The following NECAP2 variants were observed in gnomAD, a reference collection of about 807,000 sequenced individuals.
NECAP2 encodes the protein adaptin ear-binding coat-associated protein 2.
Under a neutral mutation model 37.8 loss-of-function variants are expected in NECAP2, and 38 were observed. The ratio of observed to expected loss-of-function variants is 1.01; its 90% CI spans 0.78 to 1.32. The LOEUF is 1.32. Ranked by LOEUF, NECAP2 falls within the 40% of genes most tolerant of loss-of-function variation. The pLI is 0.00. For synonymous variants in NECAP2, 121 were observed against 127.7 expected (o/e 0.95, Z 0.35); for missense variants, 316 against 334.5 (o/e 0.94, Z 0.43).
In NECAP2 at chr1:16,459,088, A is replaced by G. The variant is rs2086973206; in HGVS notation, c.*198A>G. ...GTGTCACACTGTTTCCTGGGATTCA[A>G]GTATGCAACCAGAACACAGGAGAAG... is the stretch of plus-strand genomic sequence containing the variant. On this transcript the variant is annotated 3_prime_UTR_variant, in exon 8 of 8. Coordinates refer to ENST00000337132, the MANE Select transcript of NECAP2 (RefSeq NM_018090.5). The G allele has an allele frequency of 7.9e-7, 1 of 1,271,434 alleles. No homozygotes were observed. Among genetic ancestry groups the G allele is most frequent in the Middle Eastern group, 2.2e-4 (1 of 4,482 alleles). The allele number at this position is 1,271,434 out of a possible 1,614,324, so 78.8% of individuals were successfully genotyped here. A position where few individuals can be genotyped will look rare whatever the true frequency, so the allele number is the denominator to read the frequency against.
chr1:16,459,395 A>C lies in NECAP2; in HGVS notation c.*505A>C, dbSNP rs2086978821. 1 of 154,824 alleles carries C rather than the reference A, an allele frequency of 6.5e-6. No individual in the cohort carries two copies. Among genetic ancestry groups the C allele is most frequent in the South Asian group, 2.0e-4 (1 of 4,894 alleles). The allele number at this position is 154,824 out of a possible 1,614,324, so 9.6% of individuals were successfully genotyped here. ...GATTTTTAGCAGGTTTAGAGGCTGCAGCTTGAGCTACAATCAGGAGGGAAA... is the reference window on the plus strand; with the variant it reads ...GATTTTTAGCAGGTTTAGAGGCTGCCGCTTGAGCTACAATCAGGAGGGAAA... On this transcript the variant is annotated 3_prime_UTR_variant, in exon 8 of 8. Transcript: ENST00000337132.
chr1:16,446,514 C>T (rs1392657182), intron 2 of NECAP2, among the ~76,000 whole-genome samples: 1 of 151,792 alleles, frequency 6.6e-6, no homozygotes, highest in Non-Finnish European at 1.5e-5. Context: ...AGCTATGGTG[C>T]ACTGCACACT....
At chr1:16,454,112 T>A (rs1443476847) in intron 6 of NECAP2, among the ~76,000 whole-genome samples, 1 of 152,090 alleles carries the variant, frequency 6.6e-6, no homozygotes, top group South Asian at 2.1e-4. Flanking sequence ...CAGGCTGGAG[T>A]GTGATGGCGC....
intron 6 of NECAP2, among the ~76,000 whole-genome samples, chr1:16,452,580 C>T (rs564153038): frequency 6.6e-6 from 1 of 152,190 alleles, no homozygotes; most frequent in Admixed American, 6.5e-5. Context: ...TAAGGTGTGC[C>T]AAGGTGAGTG....
chr1:16,441,650 T>C (rs1271756038), intron 1 of NECAP2: 1 of 152,072 alleles, frequency 6.6e-6, no homozygotes, highest in Admixed American at 6.6e-5. Context: ...TGCCACTGAG[T>C]GGTGGTGGGG....
intron 6 of NECAP2, among the ~76,000 whole-genome samples, chr1:16,454,725 A>G (rs1361150584): frequency 2.6e-5 from 4 of 152,212 alleles, no homozygotes; most frequent in African/African-American, 9.7e-5. Context: ...AGGGGAAGTA[A>G]TGATACTTAA....
In NECAP2 at chr1:16,458,999, C is replaced by T. The variant is rs563405880; in HGVS notation, c.*109C>T. The T allele has an allele frequency of 1.3e-5, 21 of 1,588,378 alleles. No individual in the cohort carries two copies. The highest frequency in any genetic ancestry group is 9.2e-5 in the Admixed American group (5 of 54,556). On this transcript the variant is annotated 3_prime_UTR_variant, in exon 8 of 8. Transcript: ENST00000337132. ...GCTGGCCTGTGTTTGGGGCATGAATCTCTCCTCTCCTCCTTGTCTGGCTCT... is the reference window on the plus strand; with the variant it reads ...GCTGGCCTGTGTTTGGGGCATGAATTTCTCCTCTCCTCCTTGTCTGGCTCT...
rs191093057 is a variant in NECAP2 at position 16,441,278 on chromosome 1, C to G, written c.92+425C>G. On this transcript the variant is annotated intron_variant, in intron 1 of 7. Transcript: ENST00000337132. ...GGGAGCCCAGAGCCGGCTGAAAGGACCGGTCCCGGGGAGCTTTAAGGTGAC... is the reference window on the plus strand; with the variant it reads ...GGGAGCCCAGAGCCGGCTGAAAGGAGCGGTCCCGGGGAGCTTTAAGGTGAC... 2.1e-4 allele frequency: 37 copies of G among 177,810 alleles called. No homozygotes were observed. The East Asian group carries it at 2.2e-3, about 10-fold the overall frequency. The allele number at this position is 177,810 out of a possible 1,614,324, so 11.0% of individuals were successfully genotyped here. A position where few individuals can be genotyped will look rare whatever the true frequency, so the allele number is the denominator to read the frequency against.
At chr1:16,451,157 A>ATTC in intron 5 of NECAP2, 1 of 152,106 alleles carries the variant, frequency 6.6e-6, no homozygotes, top group South Asian at 2.1e-4. Flanking sequence ...ATTTGGAATG[A>ATTC]TTTCTTTCTT....
In NECAP2 at chr1:16,451,914, C is replaced by T. The variant is rs2086848689; in HGVS notation, c.566C>T (p.Pro189Leu). 1.2e-6 allele frequency: 2 copies of T among 1,613,968 alleles called. No homozygotes were observed. Among genetic ancestry groups the T allele is most frequent in the Non-Finnish European group, 1.7e-6 (2 of 1,179,874 alleles). The change falls in exon 6 of 8, where the codon CCC (proline) becomes CTC (leucine). Residue 189 changes from proline to leucine, a missense_variant. By Grantham distance (98) the Pro-to-Leu change is moderately conservative (BLOSUM62 -3). Around this residue, in one of 3 missense-constraint regions of NECAP2, gnomAD observed 204 missense variants for 188.6 expected, o/e 1.08. Transcript: ENST00000337132. ...PASTGGLSLLPPPPGGKTSTL... is the reference protein window; with the variant it reads ...PASTGGLSLLLPPPGGKTSTL... The stretch of plus-strand genomic sequence containing the variant: ...AGCACAGGAGGGCTGAGCCTGCTTC[C>T]CCCTCCCCCAGGGGGGAAAACCTCC...
chr1:16,458,744 T>C, intron 7 of NECAP2, 98 bp from the exon 8 acceptor site: 1 of 1,295,418 alleles, frequency 7.7e-7, no homozygotes, highest in Non-Finnish European at 1.1e-6. Context: ...GGAACTGGCT[T>C]CTTAGAGCTT....
At chr1:16,452,263 C>G (rs2086856279) in intron 6 of NECAP2, among the ~76,000 whole-genome samples, 1 of 152,180 alleles carries the variant, frequency 6.6e-6, no homozygotes, top group African/African-American at 2.4e-5. Context: ...ACTGTGAAAT[C>G]ATCAACATGT....
chr1:16,443,282 A>G (rs1035164645), intron 1 of NECAP2, among the ~76,000 whole-genome samples: 1 of 152,234 alleles, frequency 6.6e-6, no homozygotes, highest in Admixed American at 6.5e-5. Flanking sequence ...CATTTTTTAA[A>G]TGGTTTGGAA....
At chr1:16,445,773 G>A (rs982593806) in intron 2 of NECAP2, among the ~76,000 whole-genome samples, 2 of 152,146 alleles carry the variant, frequency 1.3e-5, no homozygotes, top group African/African-American at 4.8e-5. Flanking sequence ...GCGTGGTGGT[G>A]CACACCTGTG....
At chr1:16,447,836 A>G in intron 2 of NECAP2, 34 bp from the exon 3 acceptor site, 1 of 1,580,320 alleles carries the variant, frequency 6.3e-7, no homozygotes, top group Non-Finnish European at 8.7e-7. Context: ...AAGGGGGCTC[A>G]GGGCTCAGCG....
chr1:16,445,156 C>T (rs1047005894), intron 2 of NECAP2, among the ~76,000 whole-genome samples: 2 of 152,244 alleles, frequency 1.3e-5, no homozygotes, highest in African/African-American at 4.8e-5. Context: ...CCTAACGTAA[C>T]AGGCACTGCC....
chr1:16,450,034 G>A (rs1028966201), intron 5 of NECAP2: 3 of 362,402 alleles, frequency 8.3e-6, no homozygotes, highest in Non-Finnish European at 1.7e-5. Flanking sequence ...TTTTCAAGAA[G>A]CTTTGTAACT....
intron 6 of NECAP2, 131 bp downstream of exon 6, chr1:16,452,146 G>A: frequency 1.0e-6 from 1 of 968,582 alleles, no homozygotes; most frequent in Non-Finnish European, 1.5e-6. Flanking sequence ...GTCAAAGAAG[G>A]CGGGCACCCA....
rs1411673101 is a variant in NECAP2 at position 16,458,964 on chromosome 1, G to A, written c.*74G>A. The A allele has an allele frequency of 6.2e-7, 1 of 1,612,416 alleles. No homozygotes were observed. Among genetic ancestry groups the A allele is most frequent in the Non-Finnish European group, 8.5e-7 (1 of 1,179,286 alleles). ...TCTGGGCCAAAGGAAGGAGGACGAA[G>A]CCCTCCTCAGCTGGCCTGTGTTTGG... is the stretch of plus-strand genomic sequence containing the variant. On this transcript the variant is annotated 3_prime_UTR_variant, in exon 8 of 8. Transcript: ENST00000337132.
Sources: allele counts gnomAD v4.1 joint callset (sites outside exome capture counted in the v4.1 genomes callset), GRCh38; gene constraint gnomAD v4.1.1; regional missense constraint gnomAD v4.1.1; transcripts MANE v1.5; gene names NCBI Gene and HGNC (gene_info 2026-07-23, HGNC 2026-07-21).